CPQ: variants seen among roughly 807,000 people sequenced by gnomAD.
The protein encoded by CPQ is Ser-Met dipeptidase.
A neutral mutation model predicts 45.7 loss-of-function variants in CPQ; 37 were observed. The observed-to-expected ratio is 0.81, with a 90% CI of 0.62 to 1.07. The LOEUF (loss-of-function observed/expected upper bound fraction) is 1.07, where lower values mean the gene tolerates loss of function less well. Ranked by LOEUF, CPQ falls within the 50% of genes least tolerant of loss-of-function variation. The pLI, the probability that CPQ is intolerant of heterozygous loss-of-function variation, is 0.00. For missense variants in CPQ, 537 were observed against 572.9 expected (o/e 0.94, Z 0.64); for synonymous variants, 186 against 205.8 (o/e 0.90, Z 0.82).
intron 1 of CPQ, among the ~76,000 whole-genome samples, chr8:96,704,671 G>A (rs1026738694): frequency 4.6e-5 from 7 of 152,092 alleles, no homozygotes; most frequent in Non-Finnish European, 7.4e-5. Flanking sequence ...GATAGTCAGG[G>A]ATTAGGAGGC....
At chr8:97,055,869 G>A (rs925063441) in intron 6 of CPQ, among the ~76,000 whole-genome samples, 2 of 152,144 alleles carry the variant, frequency 1.3e-5, no homozygotes, top group African/African-American at 4.8e-5. Context: ...GGAGGCCAAA[G>A]TGGGTGGATC....
At chr8:96,890,023 T>C (rs1812352709) in intron 4 of CPQ, among the ~76,000 whole-genome samples, 3 of 152,196 alleles carry the variant, frequency 2.0e-5, no homozygotes, top group African/African-American at 4.8e-5. Flanking sequence ...CCTTGTCAAC[T>C]TGAACCCATA....
intron 4 of CPQ, among the ~76,000 whole-genome samples, chr8:96,892,938 TGAG>T (rs1396262673): frequency 6.6e-6 from 1 of 152,190 alleles, no homozygotes; most frequent in Non-Finnish European, 1.5e-5. Flanking sequence ...AATCAGAAGA[TGAG>T]GAATAATATA....
chr8:97,052,401 G>A (rs1415293921), intron 6 of CPQ, among the ~76,000 whole-genome samples: 1 of 152,090 alleles, frequency 6.6e-6, no homozygotes, highest in African/African-American at 2.4e-5. Flanking sequence ...TGAAGCGATT[G>A]TTAAAAATCT....
At chr8:96,717,379 G>A (rs1809695998) in intron 1 of CPQ, among the ~76,000 whole-genome samples, 1 of 151,652 alleles carries the variant, frequency 6.6e-6, no homozygotes, top group Non-Finnish European at 1.5e-5. Context: ...CCACATCCAT[G>A]CCAACATCTA....
intron 2 of CPQ, among the ~76,000 whole-genome samples, 169 bp from the exon 3 acceptor site, chr8:96,834,804 T>G (rs890956948): frequency 1.3e-5 from 2 of 152,188 alleles, no homozygotes; most frequent in African/African-American, 4.8e-5. Context: ...TCTTGGGAAG[T>G]TGGCTAACCC....
chr8:96,915,231 AT>A (rs994670388), intron 4 of CPQ, among the ~76,000 whole-genome samples: 5 of 151,822 alleles, frequency 3.3e-5, no homozygotes, highest in Admixed American at 6.6e-5. Context: ...CCTTGGGAAG[AT>A]TTTTTTTCCG....
chr8:96,818,409 T>A (rs941219381), intron 2 of CPQ, among the ~76,000 whole-genome samples: 1 of 151,918 alleles, frequency 6.6e-6, no homozygotes, highest in African/African-American at 2.4e-5. Flanking sequence ...ATTCTTGAAA[T>A]ATTGCAAGAA....
At chr8:96,962,461 A>C (rs1026260522) in intron 4 of CPQ, among the ~76,000 whole-genome samples, 4 of 152,216 alleles carry the variant, frequency 2.6e-5, no homozygotes, top group Non-Finnish European at 4.4e-5. Context: ...AAAGGAATCC[A>C]GATCTGGCAA....
At chr8:96,659,729 A>G (rs1310804646) in intron 1 of CPQ, among the ~76,000 whole-genome samples, 2 of 152,206 alleles carry the variant, frequency 1.3e-5, no homozygotes, top group African/African-American at 2.4e-5. Context: ...AATACAGGGT[A>G]CAAAACAGGC....
chr8:96,748,272 T>C (rs977471052), intron 1 of CPQ, among the ~76,000 whole-genome samples: 3 of 152,120 alleles, frequency 2.0e-5, no homozygotes, highest in African/African-American at 7.2e-5. Context: ...AAGTTGCTTT[T>C]TTTTCTGGCA....
intron 1 of CPQ, among the ~76,000 whole-genome samples, chr8:96,702,173 G>A (rs933856854): frequency 1.3e-5 from 2 of 152,228 alleles, no homozygotes; most frequent in African/African-American, 2.4e-5. Flanking sequence ...GTCTTTGGCA[G>A]TAGCCAGTTG....
chr8:96,887,141 C>G (rs1476242608), intron 4 of CPQ, among the ~76,000 whole-genome samples: 1 of 152,124 alleles, frequency 6.6e-6, no homozygotes, highest in East Asian at 1.9e-4. Flanking sequence ...CAATCAGCTA[C>G]TCAGGTCCAT....
At chr8:97,011,108 GTCTCCTACTGT>G (rs1406377192) in intron 5 of CPQ, among the ~76,000 whole-genome samples, 1 of 152,104 alleles carries the variant, frequency 6.6e-6, no homozygotes, top group East Asian at 1.9e-4. Flanking sequence ...CTTCTTTTCT[GTCTCCTACTGT>G]TCAAAGTTAG....
chr8:96,945,237 A>G (rs1475781343), intron 4 of CPQ, among the ~76,000 whole-genome samples: 2 of 152,196 alleles, frequency 1.3e-5, no homozygotes, highest in Admixed American at 6.5e-5. Flanking sequence ...GGCAGAGAGC[A>G]CAGTCGTCTC....
At position 96,842,510 on chromosome 8, in the gene CPQ, A is replaced by C. The variant is rs571625464; in HGVS notation, c.641+7330A>C. Among the ~76,000 whole-genome samples, 207 of 69,746 alleles carry C rather than the reference A, an allele frequency of 3.0e-3. 2 individuals are homozygous for C. The East Asian group carries it at 0.033, about 11-fold the overall frequency. The allele number at this position is 69,746 out of a possible 152,430, so 45.8% of individuals were successfully genotyped here. A position where few individuals can be genotyped will look rare whatever the true frequency, so the allele number is the denominator to read the frequency against. On this transcript the variant is annotated intron_variant, in intron 3 of 7. Transcript: ENST00000220763. ...AGCAGAATGCCAATTCTCATCATTCATGCAGGTGGGGCCACTGTGCTCCCA... is the reference window on the plus strand; with the variant it reads ...AGCAGAATGCCAATTCTCATCATTCCTGCAGGTGGGGCCACTGTGCTCCCA...
chr8:96,722,811 A>G (rs1433096907), intron 1 of CPQ, among the ~76,000 whole-genome samples: 2 of 152,190 alleles, frequency 1.3e-5, no homozygotes, highest in East Asian at 3.9e-4. Context: ...TGTTCCATCA[A>G]ATCATCTATT....
At chr8:96,772,154 G>T (rs923691757) in intron 1 of CPQ, among the ~76,000 whole-genome samples, 5 of 152,248 alleles carry the variant, frequency 3.3e-5, no homozygotes, top group Middle Eastern at 3.4e-3. Context: ...GAGGAGGCTG[G>T]AGGCAGGGAG....
intron 5 of CPQ, among the ~76,000 whole-genome samples, chr8:96,982,365 G>A (rs2130390048): frequency 6.6e-6 from 1 of 151,620 alleles, no homozygotes; most frequent in African/African-American, 2.4e-5. Flanking sequence ...TTTTTTCTTT[G>A]ATATGGAGTC....
Sources: allele counts gnomAD v4.1 joint callset (sites outside exome capture counted in the v4.1 genomes callset), GRCh38; gene constraint gnomAD v4.1.1; transcripts MANE v1.5; gene names NCBI Gene and HGNC (gene_info 2026-07-23, HGNC 2026-07-21).